Variants in CPNE5 observed in about 807,000 individuals in gnomAD.
The protein encoded by CPNE5 is copine-5.
CPNE5 carries 42 observed loss-of-function variants against 81.1 expected under a neutral mutation model. The ratio of observed to expected loss-of-function variants is 0.52; its 90% CI spans 0.40 to 0.67. The LOEUF (loss-of-function observed/expected upper bound fraction) is 0.67, where lower values mean the gene tolerates loss of function less well. Among genes scored for constraint, CPNE5 ranks in the 30% least tolerant of loss-of-function variants. The pLI, the probability that CPNE5 is intolerant of heterozygous loss-of-function variation, is 0.00. For synonymous variants in CPNE5, 313 were observed against 321.5 expected (o/e 0.97, Z 0.28); for missense variants, 612 against 815.5 (o/e 0.75, Z 3.04).
chr6:36,824,207 G>C (rs1772308364), intron 1 of CPNE5, among the ~76,000 whole-genome samples: 1 of 152,212 alleles, frequency 6.6e-6, no homozygotes, highest in Non-Finnish European at 1.5e-5. Flanking sequence ...GGGCCAGAAA[G>C]TTTATGCTCC....
chr6:36,787,792 C>T (rs1256715400), intron 8 of CPNE5, among the ~76,000 whole-genome samples: 1 of 152,138 alleles, frequency 6.6e-6, no homozygotes, highest in East Asian at 1.9e-4. Flanking sequence ...ATGAGGCACA[C>T]CCTTCTTCCT....
At position 36,784,421 on chromosome 6, in the gene CPNE5, GC is replaced by G. The variant is rs1316896247; in HGVS notation, c.529-5465del. On this transcript the variant is annotated intron_variant, in intron 8 of 20. Coordinates refer to ENST00000244751, the MANE Select transcript of CPNE5 (RefSeq NM_020939.2). ...GTGTAACTAACCGCCTGGGGGCTGT[GC>G]CTTGGAAGGTCACTCTGCCTTTCGT... is the stretch of plus-strand genomic sequence containing the variant. Among the ~76,000 whole-genome samples, 5 of 152,246 alleles carry G rather than the reference GC, an allele frequency of 3.3e-5. No homozygotes were observed. The South Asian group carries it at 6.2e-4, about 19-fold the overall frequency.
At chr6:36,782,070 T>G (rs1768077003) in intron 8 of CPNE5, among the ~76,000 whole-genome samples, 1 of 152,156 alleles carries the variant, frequency 6.6e-6, no homozygotes, top group Non-Finnish European at 1.5e-5. Context: ...AGCTGAGCAG[T>G]AGGTGCCACA....
At chr6:36,765,949 G>A (rs1024881749) in intron 10 of CPNE5, among the ~76,000 whole-genome samples, 1 of 152,312 alleles carries the variant, frequency 6.6e-6, no homozygotes, top group Middle Eastern at 3.4e-3. Context: ...TTTTAGCCTG[G>A]CTGCTTTAAT....
At chr6:36,829,411 C>A (rs534717674) in intron 1 of CPNE5, among the ~76,000 whole-genome samples, 1 of 152,264 alleles carries the variant, frequency 6.6e-6, no homozygotes, top group African/African-American at 2.4e-5. Context: ...GTGGGAGGAT[C>A]TCTTGAGCCC....
intron 1 of CPNE5, among the ~76,000 whole-genome samples, chr6:36,834,642 C>T (rs1018096393): frequency 2.7e-5 from 4 of 148,758 alleles, no homozygotes; most frequent in Non-Finnish European, 5.9e-5. Context: ...GATGACAGAA[C>T]GAGACTCCAT....
chr6:36,828,308 C>CAAAAAAAAAAA (rs11444450), intron 1 of CPNE5, among the ~76,000 whole-genome samples: 7 of 78,644 alleles, frequency 8.9e-5, no homozygotes, highest in Admixed American at 1.5e-4. Flanking sequence ...AACAACAAAC[C>CAAAAAAAAAAA]AAAAAAAAAA....
At chr6:36,791,941 C>T in intron 8 of CPNE5, 92 bp downstream of exon 8, 1 of 1,117,500 alleles carries the variant, frequency 8.9e-7, no homozygotes, top group Non-Finnish European at 1.4e-6. Flanking sequence ...CCCTGTCTAC[C>T]CTCGGTTCCC....
chr6:36,789,203 C>T (rs1046553819), intron 8 of CPNE5, among the ~76,000 whole-genome samples: 52 of 152,216 alleles, frequency 3.4e-4, no homozygotes, highest in African/African-American at 1.1e-3. Context: ...GAAGGGAGGG[C>T]GCTCCCTGCC....
chr6:36,810,150 T>C (rs2150558668), intron 3 of CPNE5, among the ~76,000 whole-genome samples: 1 of 152,096 alleles, frequency 6.6e-6, no homozygotes, highest in African/African-American at 2.4e-5. Context: ...TGGGTGGCTC[T>C]CTGCAAGCCT....
chr6:36,781,727 C>T lies in CPNE5; in HGVS notation c.529-2770G>A, dbSNP rs144117272. Among the ~76,000 whole-genome samples the T allele has an allele frequency of 3.8e-3, 572 of 152,286 alleles. 6 individuals carry two copies. Among genetic ancestry groups the T allele is most frequent in the African/African-American group, 0.012 (510 of 41,542 alleles). ...TGTGGGGCCCAGAGCAAAGGGAAAA[C>T]GTGGGGCCCCCTGTTCAAAAACAAT... On this transcript the variant is annotated intron_variant, in intron 8 of 20. Coordinates refer to ENST00000244751, the MANE Select transcript of CPNE5 (RefSeq NM_020939.2).
intron 13 of CPNE5, chr6:36,755,523 G>GTA (rs1765329742): frequency 1.4e-5 from 2 of 146,276 alleles, no homozygotes; most frequent in Non-Finnish European, 3.0e-5. Context: ...GTGTGTGTGT[G>GTA]TGTGTGTGTT....
intron 9 of CPNE5, among the ~76,000 whole-genome samples, chr6:36,778,281 G>A (rs1767725984): frequency 6.6e-6 from 1 of 152,186 alleles, no homozygotes; most frequent in Non-Finnish European, 1.5e-5. Context: ...CCATCTTATT[G>A]TGGGTGGCTT....
intron 3 of CPNE5, among the ~76,000 whole-genome samples, chr6:36,821,743 G>T (rs1227738996): frequency 6.6e-6 from 1 of 152,212 alleles, no homozygotes; most frequent in Non-Finnish European, 1.5e-5. Flanking sequence ...ACCTTAGTCA[G>T]AAGCCACGGG....
chr6:36,813,657 T>C (rs1216621808), intron 3 of CPNE5, among the ~76,000 whole-genome samples: 1 of 152,230 alleles, frequency 6.6e-6, no homozygotes, highest in Non-Finnish European at 1.5e-5. Context: ...TATTGTCCAC[T>C]TTCTTAATTG....
rs982830665 is a variant in CPNE5, at chr6:36,777,956, G to A, written c.632+898C>T. Among the ~76,000 whole-genome samples, 12 of 151,876 alleles carry A rather than the reference G, an allele frequency of 7.9e-5. No individual in the cohort carries two copies. In the South Asian group the frequency reaches 1.5e-3, roughly 18 times the overall value. On this transcript the variant is annotated intron_variant, in intron 9 of 20. Coordinates refer to ENST00000244751, the MANE Select transcript of CPNE5 (RefSeq NM_020939.2). Reference sequence around the variant, plus strand: ...ATTTTCTTCCTCTCCTTTAAAACCCGCTTCCAATTTTCCCTTCTCCAGCAG... The same window carrying A: ...ATTTTCTTCCTCTCCTTTAAAACCCACTTCCAATTTTCCCTTCTCCAGCAG...
chr6:36,769,731 G>T (rs192570208), intron 10 of CPNE5, among the ~76,000 whole-genome samples: 466 of 152,306 alleles, frequency 3.1e-3, no homozygotes, highest in Non-Finnish European at 5.1e-3. Flanking sequence ...CGTGCCTCCC[G>T]TCTGAGCCTC....
intron 8 of CPNE5, among the ~76,000 whole-genome samples, chr6:36,780,289 G>A (rs909225531): frequency 6.6e-6 from 1 of 152,156 alleles, no homozygotes; most frequent in African/African-American, 2.4e-5. Context: ...GAGGGGGAGT[G>A]TCTTGAGAAG....
In CPNE5 at chr6:36,823,106, AG is replaced by A; in HGVS notation, c.96-9del. On this transcript the variant is annotated splice_polypyrimidine_tract_variant and intron_variant, in intron 1 of 20. Transcript: ENST00000244751. ...TCTTTGTCCAGGAGGTTCCTGAAAG[AG>A]GGGGAGAGAGGAGGGGTTAGCACGG... The A allele has an allele frequency of 1.3e-6, 2 of 1,560,392 alleles. No individual in the cohort carries two copies. The highest frequency in any genetic ancestry group is 1.2e-5 in the South Asian group (1 of 81,070).
Sources: allele counts gnomAD v4.1 joint callset (sites outside exome capture counted in the v4.1 genomes callset), GRCh38; gene constraint gnomAD v4.1.1; transcripts MANE v1.5; gene names NCBI Gene and HGNC (gene_info 2026-07-23, HGNC 2026-07-21).